The following PTPRN2 variants were observed in gnomAD, a reference collection of about 807,000 sequenced individuals.
PTPRN2 encodes the protein receptor-type tyrosine-protein phosphatase N2.
In PTPRN2, 74 loss-of-function variants were observed where a neutral mutation model predicts 118.8. That is an observed-to-expected ratio of 0.62 (90% confidence interval 0.52 to 0.76). PTPRN2 has a LOEUF of 0.76. Among genes scored for constraint, PTPRN2 ranks in the 30% least tolerant of loss-of-function variants. The pLI is 0.00. For missense variants in PTPRN2, 1,481 were observed against 1,394.4 expected, an observed-to-expected ratio of 1.06 and a Z score of -0.99; for synonymous variants, 641 against 608.0, an observed-to-expected ratio of 1.05 and a Z score of -0.80.
At chr7:158,580,488 C>T (rs1275136526) in intron 1 of PTPRN2, among the ~76,000 whole-genome samples, 1 of 152,166 alleles carries the variant, frequency 6.6e-6, no homozygotes, top group Non-Finnish European at 1.5e-5. Flanking sequence ...TTCAAAATGA[C>T]CTTTCAGAAC....
intron 5 of PTPRN2, among the ~76,000 whole-genome samples, chr7:158,190,553 T>C (rs144847260): frequency 0.022 from 3,423 of 152,190 alleles, 71 homozygotes; most frequent in Admixed American, 0.053. Context: ...TGGCCTTTCA[T>C]TGTGAGCCTA....
intron 2 of PTPRN2, among the ~76,000 whole-genome samples, chr7:158,385,252 A>C (rs1811246191): frequency 6.6e-6 from 1 of 152,172 alleles, no homozygotes; most frequent in South Asian, 2.1e-4. Flanking sequence ...AAATTCTGGG[A>C]ACAATTCCAG....
Position 158,495,761 on chromosome 7 carries a change from G to A in PTPRN2, c.113-5976C>T, listed in dbSNP as rs567643246. On this transcript the variant is annotated intron_variant, in intron 1 of 22. Transcript: ENST00000389418. ...GTGAGAGATTAAAGCGCCTCAGCCC[G>A]GAGGCGGGGCTGCCTCTGCCAGGCT... Among the ~76,000 whole-genome samples, 11 of 152,328 alleles carry A rather than the reference G, an allele frequency of 7.2e-5. No homozygotes were observed. In the South Asian group the frequency reaches 8.3e-4, roughly 11 times the overall value.
chr7:157,541,338 C>T (rs1312727820), intron 22 of PTPRN2, among the ~76,000 whole-genome samples: 1 of 152,248 alleles, frequency 6.6e-6, no homozygotes, highest in African/African-American at 2.4e-5. Flanking sequence ...GAGAAACCTC[C>T]CCTTGTCCAC....
At chr7:158,324,271 C>T (rs751239729) in intron 2 of PTPRN2, among the ~76,000 whole-genome samples, 1 of 152,200 alleles carries the variant, frequency 6.6e-6, no homozygotes, top group Non-Finnish European at 1.5e-5. Context: ...AGCCTCTTCA[C>T]GCCCCCACAG....
intron 3 of PTPRN2, among the ~76,000 whole-genome samples, chr7:158,288,547 G>A (rs1010177415): frequency 1.3e-5 from 2 of 152,034 alleles, no homozygotes; most frequent in Non-Finnish European, 2.9e-5. Flanking sequence ...GCTTAACTTT[G>A]ATCACATTTT....
chr7:158,515,077 G>A (rs1342328597), intron 1 of PTPRN2, among the ~76,000 whole-genome samples: 1 of 152,192 alleles, frequency 6.6e-6, no homozygotes, highest in African/African-American at 2.4e-5. Context: ...ACAGCAGGCA[G>A]AACAAGGTTG....
intron 12 of PTPRN2, among the ~76,000 whole-genome samples, chr7:157,757,389 C>T (rs1801851321): frequency 1.3e-5 from 2 of 152,120 alleles, no homozygotes; most frequent in South Asian, 4.2e-4. Context: ...TGCTCCACGC[C>T]GCAGGCCCAG....
chr7:157,664,801 T>G (rs549418597), intron 13 of PTPRN2, among the ~76,000 whole-genome samples: 3 of 152,304 alleles, frequency 2.0e-5, no homozygotes, highest in African/African-American at 7.2e-5. Flanking sequence ...TCGAGAGCAT[T>G]TTATTTGAGC....
chr7:158,480,024 C>T (rs930523693), intron 2 of PTPRN2, among the ~76,000 whole-genome samples: 4 of 152,216 alleles, frequency 2.6e-5, no homozygotes, highest in African/African-American at 4.8e-5. Flanking sequence ...TAGGGTCTGG[C>T]AACTGTTTCT....
chr7:157,786,968 T>G (rs1804077769), intron 12 of PTPRN2, among the ~76,000 whole-genome samples: 1 of 151,930 alleles, frequency 6.6e-6, no homozygotes, highest in Non-Finnish European at 1.5e-5. Context: ...GTAGGTCCCA[T>G]GGCCTGAGGA....
At chr7:158,577,428 A>G (rs1459382607) in intron 1 of PTPRN2, among the ~76,000 whole-genome samples, 91 of 91,504 alleles carry the variant, frequency 9.9e-4, no homozygotes, top group Admixed American at 1.9e-3. Flanking sequence ...CATGGGGCCT[A>G]CACAACACTG....
chr7:158,537,590 CCAG>C (rs1455638373), intron 1 of PTPRN2: 1 of 152,556 alleles, frequency 6.6e-6, no homozygotes, highest in Admixed American at 6.5e-5. Context: ...CCAGAGAAGA[CCAG>C]CAGACCAGGG....
intron 1 of PTPRN2, among the ~76,000 whole-genome samples, chr7:158,587,033 C>G (rs564717821): frequency 0.013 from 1,919 of 152,130 alleles, 36 homozygotes; most frequent in African/African-American, 0.044. Context: ...GACCCGTGGC[C>G]GGGGGCTTGA....
At chr7:157,906,841 G>C (rs1357524697) in intron 11 of PTPRN2, among the ~76,000 whole-genome samples, 1 of 152,152 alleles carries the variant, frequency 6.6e-6, no homozygotes, top group Non-Finnish European at 1.5e-5. Flanking sequence ...AGCCCCTCTA[G>C]ACTGGGGGCT....
chr7:158,090,496 T>C (rs1431315584), intron 10 of PTPRN2, among the ~76,000 whole-genome samples: 2 of 152,254 alleles, frequency 1.3e-5, no homozygotes, highest in Non-Finnish European at 2.9e-5. Context: ...ATTTTAAATA[T>C]CATTCCATTT....
intron 1 of PTPRN2, among the ~76,000 whole-genome samples, chr7:158,549,375 G>A (rs916676491): frequency 1.3e-5 from 2 of 152,318 alleles, no homozygotes; most frequent in South Asian, 4.1e-4. Context: ...TGTTCACCGG[G>A]CGGATTCTGG....
intron 12 of PTPRN2, among the ~76,000 whole-genome samples, chr7:157,876,974 G>T (rs1795804569): frequency 6.6e-6 from 1 of 152,240 alleles, no homozygotes; most frequent in Admixed American, 6.5e-5. Flanking sequence ...ACAGGGGAAG[G>T]TGCAGGATGT....
intron 2 of PTPRN2, among the ~76,000 whole-genome samples, chr7:158,387,458 T>A (rs553432101): frequency 1.3e-3 from 1 of 792 alleles, no homozygotes; most frequent in East Asian, 0.5. Context: ...TCTTGTTTTG[T>A]AAGACGGTAG....
Sources: gnomAD v4.1 joint callset for allele counts (sites outside exome capture counted in the v4.1 genomes callset) on GRCh38, gnomAD v4.1.1 for gene constraint, MANE v1.5 for transcripts, NCBI Gene and HGNC (gene_info 2026-07-23, HGNC 2026-07-21) for gene names.